The following TULP4 variants were observed in gnomAD, a reference collection of about 807,000 sequenced individuals.
TULP4 encodes the protein tubby-related protein 4.
TULP4 carries 16 observed loss-of-function variants against 129.0 expected under a neutral mutation model. The observed-to-expected ratio is 0.12, with a 90% confidence interval of 0.08 to 0.19. The LOEUF (loss-of-function observed/expected upper bound fraction) is 0.19. Ranked by LOEUF, TULP4 falls within the 10% of genes least tolerant of loss-of-function variation. The probability of loss-of-function intolerance (pLI) is 1.00; values close to 1 mark genes in which losing one functional copy is unlikely to be tolerated. For missense variants in TULP4, 1,842 were observed against 2,059.1 expected (o/e 0.89, Z 2.04); for synonymous variants, 998 against 854.0 (o/e 1.17, Z -2.94).
At chr6:158,412,640 TG>T (rs1280437884) in intron 1 of TULP4, among the ~76,000 whole-genome samples, 1 of 152,228 alleles carries the variant, frequency 6.6e-6, no homozygotes, top group Non-Finnish European at 1.5e-5. Context: ...ATTTTGCTTC[TG>T]GAGGAAAATG....
intron 1 of TULP4, among the ~76,000 whole-genome samples, chr6:158,288,454 A>G (rs1051770653): frequency 3.9e-5 from 6 of 152,144 alleles, no homozygotes; most frequent in Admixed American, 3.3e-4. Context: ...CCTTTATCAG[A>G]AAAAGGAAAT....
intron 1 of TULP4, among the ~76,000 whole-genome samples, chr6:158,404,535 T>C (rs570423609): frequency 1.3e-5 from 2 of 152,120 alleles, no homozygotes; most frequent in East Asian, 3.9e-4. Context: ...CCCAGCACTT[T>C]GGGAGGCCAA....
intron 1 of TULP4, among the ~76,000 whole-genome samples, chr6:158,336,247 A>G (rs1046940662): frequency 1.3e-5 from 2 of 152,196 alleles, no homozygotes; most frequent in African/African-American, 2.4e-5. Context: ...TGAATTGTCT[A>G]TATCTTTCAT....
intron 1 of TULP4, among the ~76,000 whole-genome samples, chr6:158,232,600 C>CGTGCGTGTGGGGTG (rs1212879208): frequency 2.0e-5 from 3 of 151,828 alleles, no homozygotes; most frequent in African/African-American, 7.3e-5. Flanking sequence ...GCGGGGCGGG[C>CGTGCGTGTGGGGTG]GTGCGTGTGG....
At chr6:158,462,843 G>A (rs983467700) in intron 6 of TULP4, among the ~76,000 whole-genome samples, 2 of 147,142 alleles carry the variant, frequency 1.4e-5, no homozygotes, top group Admixed American at 6.9e-5. Flanking sequence ...TCCTCCTCCC[G>A]GGTTCAAGCA....
At chr6:158,311,918 G>A (rs1473645205), upstream of TULP4, 3 of 389,806 alleles carry the variant, frequency 7.7e-6, no homozygotes, top group Non-Finnish European at 1.4e-5. Flanking sequence ...ACCATTCAGT[G>A]CAGTCAGTAG....
intron 1 of TULP4, among the ~76,000 whole-genome samples, chr6:158,324,023 A>C (rs1779692739): frequency 6.6e-6 from 1 of 152,206 alleles, no homozygotes; most frequent in Admixed American, 6.5e-5. Context: ...TACTTTTTGC[A>C]GGTAAATTTA....
chr6:158,298,043 A>G (rs10080509), intron 1 of TULP4, among the ~76,000 whole-genome samples: 2,702 of 152,280 alleles, frequency 0.018, 34 homozygotes, highest in Middle Eastern at 0.027. Context: ...CTTGCTAGGA[A>G]AATAATTTAG....
At chr6:158,412,053 T>TATTTTATTG (rs1778111315) in intron 1 of TULP4, among the ~76,000 whole-genome samples, 1 of 152,206 alleles carries the variant, frequency 6.6e-6, no homozygotes, top group South Asian at 2.1e-4. Flanking sequence ...TAATAGCTCT[T>TATTTTATTG]ATTTTATTGA....
chr6:158,362,096 G>T lies in TULP4; in HGVS notation c.252+47828G>T, dbSNP rs1205370720. The stretch of plus-strand genomic sequence containing the variant: ...CCCATAGCATCATTGAACTAGCTCT[G>T]TTGCATAACTGTCCTGTGTCTAAAA... On this transcript the variant is annotated intron_variant, in intron 1 of 13. Coordinates refer to ENST00000367097, the MANE Select transcript of TULP4 (RefSeq NM_020245.5). 3.9e-5 allele frequency among the ~76,000 whole-genome samples: 6 copies of T among 152,332 alleles called. No homozygotes were observed. In the East Asian group the frequency reaches 1.2e-3, roughly 29 times the overall value.
intron 1 of TULP4, among the ~76,000 whole-genome samples, chr6:158,385,658 T>C (rs1171287401): frequency 6.7e-6 from 1 of 149,144 alleles, no homozygotes; most frequent in Non-Finnish European, 1.5e-5. Flanking sequence ...ATGTACAATA[T>C]ATACAAATAT....
At chr6:158,329,113 T>A (rs1299991927) in intron 1 of TULP4, among the ~76,000 whole-genome samples, 1 of 152,238 alleles carries the variant, frequency 6.6e-6, no homozygotes, top group African/African-American at 2.4e-5. Context: ...CTGTGCATTT[T>A]GCCCAAGATT....
At chr6:158,342,263 C>A (rs1308320625) in intron 1 of TULP4, among the ~76,000 whole-genome samples, 1 of 152,164 alleles carries the variant, frequency 6.6e-6, no homozygotes, top group Non-Finnish European at 1.5e-5. Flanking sequence ...GTTGCCTGTG[C>A]TTTTGAGGTC....
At chr6:158,444,023 T>C (rs376402108) in intron 3 of TULP4, among the ~76,000 whole-genome samples, 5 of 151,702 alleles carry the variant, frequency 3.3e-5, no homozygotes, top group South Asian at 2.1e-4. Flanking sequence ...ATTGAGACCA[T>C]CCTGGCTAAC....
upstream of TULP4, among the ~76,000 whole-genome samples, chr6:158,281,313 A>G (rs528310378): frequency 4.6e-5 from 7 of 151,984 alleles, no homozygotes; most frequent in East Asian, 1.2e-3. Flanking sequence ...TCCTGGGTTC[A>G]AGCAATTCTC....
At chr6:158,485,631 A>G (rs1043104970) in intron 8 of TULP4, among the ~76,000 whole-genome samples, 6 of 152,272 alleles carry the variant, frequency 3.9e-5, no homozygotes, top group African/African-American at 1.4e-4. Flanking sequence ...TCAGCAGGCC[A>G]GATGGCCTTT....
chr6:158,276,302 CTTTCT>C (rs762291743), intron 1 of TULP4, among the ~76,000 whole-genome samples: 115 of 127,240 alleles, frequency 9.0e-4, no homozygotes, highest in African/African-American at 2.8e-3. Flanking sequence ...CTTTCTTCTT[CTTTCT>C]TTTTTTTTTT....
intron 1 of TULP4, among the ~76,000 whole-genome samples, chr6:158,288,563 T>C (rs1432531124): frequency 2.0e-5 from 3 of 151,972 alleles, no homozygotes; most frequent in South Asian, 4.2e-4. Context: ...TGCAGTGGCG[T>C]GATCTCGGCT....
intron 1 of TULP4, among the ~76,000 whole-genome samples, chr6:158,255,091 A>G (rs376628554): frequency 2.0e-5 from 3 of 152,106 alleles, no homozygotes; most frequent in East Asian, 3.9e-4. Flanking sequence ...ACAAAACAAA[A>G]GCAACAGAAA....
Sources: allele counts gnomAD v4.1 joint callset (sites outside exome capture counted in the v4.1 genomes callset), GRCh38; gene constraint gnomAD v4.1.1; transcripts MANE v1.5; gene names NCBI Gene and HGNC (gene_info 2026-07-23, HGNC 2026-07-21).